TTLL11: variants seen among roughly 807,000 people sequenced by gnomAD.
The protein encoded by TTLL11 is tubulin tyrosine ligase like 11, also known as tubulin polyglutamylase TTLL11.
A neutral mutation model predicts 51.7 loss-of-function variants in TTLL11; 42 were observed. The observed-to-expected ratio is 0.81, with a 90% confidence interval of 0.64 to 1.05. TTLL11 has a LOEUF of 1.05. Ranked by LOEUF, TTLL11 falls within the 50% of genes least tolerant of loss-of-function variation. The pLI is 0.00. For synonymous variants in TTLL11, 381 were observed against 383.5 expected (o/e 0.99, Z 0.08); for missense variants, 799 against 940.4 (o/e 0.85, Z 1.97).
chr9:122,047,978 G>A (rs1351084985), intron 1 of TTLL11, among the ~76,000 whole-genome samples: 1 of 152,012 alleles, frequency 6.6e-6, no homozygotes, highest in Non-Finnish European at 1.5e-5. Flanking sequence ...CCACTGGGCA[G>A]CAAGCCCTCT....
chr9:122,031,702 T>C, intron 3 of TTLL11, 21 bp downstream of exon 3: 1 of 1,610,894 alleles, frequency 6.2e-7, no homozygotes, highest in Non-Finnish European at 8.5e-7. Flanking sequence ...TCAGGGGTCA[T>C]GGGGACGGAG....
At chr9:121,838,258 C>T (rs1280795840) in intron 8 of TTLL11, among the ~76,000 whole-genome samples, 2 of 152,180 alleles carry the variant, frequency 1.3e-5, no homozygotes, top group African/African-American at 4.8e-5. Context: ...TGAGACTTCT[C>T]TTACCTCCTC....
chr9:121,912,746 T>C (rs931974623), intron 6 of TTLL11, among the ~76,000 whole-genome samples: 3 of 151,502 alleles, frequency 2.0e-5, no homozygotes, highest in Non-Finnish European at 2.9e-5. Flanking sequence ...ATACATGATA[T>C]CAAGAATTTA....
intron 6 of TTLL11, among the ~76,000 whole-genome samples, chr9:121,897,640 A>G (rs4837909): frequency 0.016 from 2,212 of 139,368 alleles, 49 homozygotes; most frequent in East Asian, 0.021. Context: ...ACACACACAC[A>G]CGCGCGCGCG....
chr9:121,962,330 C>T (rs559572078), intron 6 of TTLL11, among the ~76,000 whole-genome samples: 17 of 152,268 alleles, frequency 1.1e-4, no homozygotes, highest in Middle Eastern at 3.4e-3. Context: ...CACCCCAAAA[C>T]GCCCCTTTGG....
intron 7 of TTLL11, among the ~76,000 whole-genome samples, chr9:121,867,165 C>T (rs75297901): frequency 0.033 from 5,087 of 152,312 alleles, 147 homozygotes; most frequent in African/African-American, 0.067. Flanking sequence ...TACCAGAGGT[C>T]ACCCACCAGT....
At chr9:121,856,273 A>G (rs1460341367) in intron 8 of TTLL11, among the ~76,000 whole-genome samples, 1 of 152,102 alleles carries the variant, frequency 6.6e-6, no homozygotes, top group African/African-American at 2.4e-5. Flanking sequence ...GGGTCTTGCT[A>G]TGTTGCCCAG....
chr9:121,984,125 C>T (rs978553791), intron 4 of TTLL11, among the ~76,000 whole-genome samples: 2 of 152,104 alleles, frequency 1.3e-5, no homozygotes, highest in African/African-American at 4.8e-5. Flanking sequence ...TTTTTCAAGA[C>T]TGCAGAGCTC....
intron 6 of TTLL11, among the ~76,000 whole-genome samples, chr9:121,895,961 T>G (rs112858190): frequency 3.7e-5 from 4 of 109,034 alleles, no homozygotes; most frequent in African/African-American, 6.1e-5. Context: ...TGTGGGTGTG[T>G]GGGTGTGGGT....
At chr9:122,038,972 G>A (rs368870986) in intron 2 of TTLL11, among the ~76,000 whole-genome samples, 8 of 152,252 alleles carry the variant, frequency 5.3e-5, no homozygotes, top group African/African-American at 1.9e-4. Context: ...AGAATGAAAT[G>A]TTCTATTATT....
In TTLL11 at chr9:122,092,799, C is replaced by T. The variant is rs1475572900; in HGVS notation, c.350G>A (p.Gly117Asp). The T allele has an allele frequency of 6.5e-7, 1 of 1,543,832 alleles. No homozygotes were observed. Among genetic ancestry groups the T allele is most frequent in the South Asian group, 1.2e-5 (1 of 84,552 alleles). Residue 117 changes from glycine to aspartate, a missense_variant, in exon 1 of 9, where the codon GGC becomes GAC. Transcript: ENST00000321582. ...GGAGCCGTTCTCGCCGGAACCGTGG[C>T]CCGAGCTCCGCTTGCAGCTTCGGCC... ...DKGRSCKRSS[G>D]HGSGENGSQR...
At chr9:121,964,181 A>T (rs1233239716) in intron 6 of TTLL11, among the ~76,000 whole-genome samples, 1 of 152,188 alleles carries the variant, frequency 6.6e-6, no homozygotes, top group Non-Finnish European at 1.5e-5. Context: ...AAAAAAAAAA[A>T]AGGTTTCGAA....
chr9:121,834,240 C>T (rs1028027907), intron 8 of TTLL11, among the ~76,000 whole-genome samples: 2 of 152,136 alleles, frequency 1.3e-5, no homozygotes, highest in Non-Finnish European at 2.9e-5. Context: ...GCACGGTTCC[C>T]CTAGACTTGA....
chr9:121,985,642 A>G (rs1383937032), intron 4 of TTLL11, among the ~76,000 whole-genome samples: 1 of 149,082 alleles, frequency 6.7e-6, no homozygotes, highest in Non-Finnish European at 1.5e-5. Context: ...TCAGCCTCCC[A>G]AGTAGCTGGG....
At chr9:121,912,790 T>C (rs1208871249) in intron 6 of TTLL11, among the ~76,000 whole-genome samples, 1 of 151,496 alleles carries the variant, frequency 6.6e-6, no homozygotes, top group East Asian at 1.9e-4. Flanking sequence ...TTTGAGGCAG[T>C]CTCTAAGTGT....
chr9:121,844,602 T>C (rs28880610), intron 8 of TTLL11, among the ~76,000 whole-genome samples: 5,120 of 152,244 alleles, frequency 0.034, 257 homozygotes, highest in African/African-American at 0.11. Flanking sequence ...GATTAATATG[T>C]TAAAGTCTCT....
At chr9:122,000,972 A>G (rs1013346484) in intron 3 of TTLL11, among the ~76,000 whole-genome samples, 3 of 152,236 alleles carry the variant, frequency 2.0e-5, no homozygotes, top group African/African-American at 7.2e-5. Context: ...TACAATAGTT[A>G]TTTCACTTAA....
intron 3 of TTLL11, among the ~76,000 whole-genome samples, chr9:122,002,944 C>CAAAAAAAAAAAAAAAAAAAAAAAAAAAAA (rs547408355): frequency 4.9e-5 from 3 of 61,240 alleles, no homozygotes; most frequent in African/African-American, 8.4e-5. Flanking sequence ...GACTCTGTCT[C>CAAAAAAAAAAAAAAAAAAAAAAAAAAAAA]AAAAAAAAAA....
At chr9:122,046,644 A>T (rs1182367546) in intron 1 of TTLL11, among the ~76,000 whole-genome samples, 2 of 152,114 alleles carry the variant, frequency 1.3e-5, no homozygotes, top group Non-Finnish European at 2.9e-5. Context: ...CGAGTTCTAA[A>T]TCTGGTAGTC....
Sources: allele counts gnomAD v4.1 joint callset (sites outside exome capture counted in the v4.1 genomes callset), GRCh38; gene constraint gnomAD v4.1.1; transcripts MANE v1.5; gene names NCBI Gene and HGNC (gene_info 2026-07-23, HGNC 2026-07-21).